The following IQCH variants were observed in gnomAD, a reference collection of about 807,000 sequenced individuals.
IQCH encodes IQ domain-containing protein H.
In IQCH, 98 loss-of-function variants were observed where a neutral mutation model predicts 117.0. That is an observed-to-expected ratio of 0.84 (90% CI 0.71 to 0.99). The LOEUF is 0.99. IQCH is among the 50% of genes least tolerant of loss of function. The probability of loss-of-function intolerance (pLI) is 0.00; values close to 1 mark genes in which losing one functional copy is unlikely to be tolerated. For synonymous variants in IQCH, 412 were observed against 448.2 expected (o/e 0.92, Z 1.02); for missense variants, 1,102 against 1,243.8 (o/e 0.89, Z 1.72).
chr15:67,451,117 CTTCT>C (rs1216148815), intron 16 of IQCH, among the ~76,000 whole-genome samples: 5 of 152,224 alleles, frequency 3.3e-5, no homozygotes, highest in South Asian at 2.1e-4. Flanking sequence ...TCTCTCTCTT[CTTCT>C]TTATTAGTCT....
At position 67,445,959 on chromosome 15, in the gene IQCH, G is replaced by A. The variant is rs1056871400; in HGVS notation, c.2506-19168G>A. ...CCAAGGAGGACAACTGTGTTCCCCT[G>A]CAGCTTTTCCCCAGAATTGGAGGGA... On this transcript the variant is annotated intron_variant, in intron 16 of 20. Transcript: ENST00000335894. This position sits in a 1 kb window ranked among gnomAD's most constrained non-coding sequence, Gnocchi z 4.3. Among the ~76,000 whole-genome samples the A allele has an allele frequency of 6.6e-6, 1 of 152,168 alleles. No homozygotes were observed. Among genetic ancestry groups the A allele is most frequent in the Non-Finnish European group, 1.5e-5 (1 of 68,034 alleles).
At chr15:67,438,643 C>G (rs1199034488) in intron 16 of IQCH, among the ~76,000 whole-genome samples, 1 of 152,206 alleles carries the variant, frequency 6.6e-6, no homozygotes, top group Non-Finnish European at 1.5e-5. Context: ...AACTCACCAA[C>G]CAACTATCTG....
chr15:67,326,090 G>C (rs1279768383), intron 4 of IQCH, among the ~76,000 whole-genome samples: 1 of 152,162 alleles, frequency 6.6e-6, no homozygotes, highest in African/African-American at 2.4e-5. Flanking sequence ...TACATTGGGT[G>C]TATCTCCTAA....
intron 14 of IQCH, among the ~76,000 whole-genome samples, chr15:67,402,192 T>C (rs1236789601): frequency 6.6e-6 from 1 of 152,256 alleles, no homozygotes; most frequent in East Asian, 1.9e-4. Context: ...TGTTATTAAA[T>C]GCAAAGCTCT....
Position 67,430,809 on chromosome 15 carries a change from G to A in IQCH, c.2505+9232G>A, listed in dbSNP as rs566978248. 2.0e-5 allele frequency among the ~76,000 whole-genome samples: 3 copies of A among 152,356 alleles called. No individual in the cohort carries two copies. The highest frequency in any genetic ancestry group is 3.9e-4 in the East Asian group (2 of 5,186). ...CTACAAAGATGCAAAAGACATGGAA[G>A]TGCCTGCCCTTAGGGAGTTCACATT... is the stretch of plus-strand genomic sequence containing the variant. On this transcript the variant is annotated intron_variant, in intron 16 of 20. Transcript: ENST00000335894. This position sits in a 1 kb window ranked among gnomAD's most constrained non-coding sequence, Gnocchi z 5.1.
chr15:67,294,552 C>T (rs766365288), intron 4 of IQCH, among the ~76,000 whole-genome samples: 3 of 152,038 alleles, frequency 2.0e-5, no homozygotes, highest in Non-Finnish European at 4.4e-5. Context: ...TTCCTTTGCC[C>T]CTATTTCCCT....
chr15:67,371,139 T>A (rs1282420479), intron 8 of IQCH, among the ~76,000 whole-genome samples: 1 of 152,104 alleles, frequency 6.6e-6, no homozygotes, highest in East Asian at 1.9e-4. Context: ...AATACCGGGT[T>A]TACTGACGAG....
chr15:67,377,519 C>A (rs929840394), intron 10 of IQCH, among the ~76,000 whole-genome samples: 3 of 152,184 alleles, frequency 2.0e-5, no homozygotes, highest in African/African-American at 7.2e-5. Flanking sequence ...AACCTACAGA[C>A]TAATTTTGCT....
intron 4 of IQCH, among the ~76,000 whole-genome samples, chr15:67,282,542 A>G (rs570381752): frequency 6.6e-6 from 1 of 152,142 alleles, no homozygotes; most frequent in South Asian, 2.1e-4. Flanking sequence ...TTGTTGTTGT[A>G]TATCTAATAT....
chr15:67,428,420 C>A (rs1402444163), intron 16 of IQCH, among the ~76,000 whole-genome samples: 3 of 152,166 alleles, frequency 2.0e-5, no homozygotes, highest in Non-Finnish European at 4.4e-5. Flanking sequence ...GATATCCACA[C>A]CCTAATTCCC....
rs1260863978 is a variant in IQCH at position 67,422,289 on chromosome 15, C to T, written c.2505+712C>T. On this transcript the variant is annotated intron_variant, in intron 16 of 20. Coordinates refer to ENST00000335894, the MANE Select transcript of IQCH (RefSeq NM_001031715.3). This position sits in a 1 kb window ranked among gnomAD's most constrained non-coding sequence, Gnocchi z 4.7. ...TCACTAGAAAGGAGTTAAGAGTTCA[C>T]ATTTCTGTTCCTTTTCTTATCAGAC... 1.3e-5 allele frequency among the ~76,000 whole-genome samples: 2 copies of T among 152,166 alleles called. No individual in the cohort carries two copies. The highest frequency in any genetic ancestry group is 2.9e-5 in the Non-Finnish European group (2 of 68,026).
At position 67,263,253 on chromosome 15, in the gene IQCH, A is replaced by C. The variant is rs78934027; in HGVS notation, c.269+37A>C. On this transcript the variant is annotated intron_variant, in intron 3 of 20. Transcript: ENST00000335894. ...AGCCATTTAGAGCCCAAAGTAAATA[A>C]AATTGAGAAATAACTTTTCTCACTC... The C allele has an allele frequency of 4.9e-4, 509 of 1,029,610 alleles. 3 individuals are homozygous for C. In the East Asian group the frequency reaches 0.012, roughly 24 times the overall value. The allele number at this position is 1,029,610 out of a possible 1,614,324, so 63.8% of individuals were successfully genotyped here. A position where few individuals can be genotyped will look rare whatever the true frequency, so the allele number is the denominator to read the frequency against.
In IQCH at chr15:67,407,160, A is replaced by G. The variant is rs890184935; in HGVS notation, c.2097+6855A>G. 1.3e-5 allele frequency: 2 copies of G among 152,216 alleles called. No individual in the cohort carries two copies. Among genetic ancestry groups the G allele is most frequent in the African/African-American group, 4.8e-5 (2 of 41,462 alleles). The allele number at this position is 152,216 out of a possible 1,614,324, so 9.4% of individuals were successfully genotyped here. A position where few individuals can be genotyped will look rare whatever the true frequency, so the allele number is the denominator to read the frequency against. ...TTACCCAGACAGTGCCTTGGAAAGAATAAGTCTTCATAGCAGCCTGCTTTC... is the reference window on the plus strand; with the variant it reads ...TTACCCAGACAGTGCCTTGGAAAGAGTAAGTCTTCATAGCAGCCTGCTTTC... On this transcript the variant is annotated intron_variant, in intron 14 of 20. Coordinates refer to ENST00000335894, the MANE Select transcript of IQCH (RefSeq NM_001031715.3). This position sits in a 1 kb window ranked among gnomAD's most constrained non-coding sequence, Gnocchi z 5.3.
In IQCH at chr15:67,261,063, T is replaced by G. The variant is rs1055963564; in HGVS notation, c.52-209T>G. The stretch of plus-strand genomic sequence containing the variant: ...GTGAGCCTAGATCACACCATTGCAT[T>G]CCAGTCTGAGCAAGAGTGAAATTCC... On this transcript the variant is annotated intron_variant, in intron 1 of 20. Coordinates refer to ENST00000335894, the MANE Select transcript of IQCH (RefSeq NM_001031715.3). 3.9e-4 allele frequency among the ~76,000 whole-genome samples: 56 copies of G among 142,988 alleles called. 1 individual carries two copies. Among genetic ancestry groups the G allele is most frequent in the Non-Finnish European group, 8.0e-4 (53 of 66,542 alleles). The allele number at this position is 142,988 out of a possible 152,430, so 93.8% of individuals were successfully genotyped here.
Position 67,404,599 on chromosome 15 carries a change from C to A in IQCH, c.2097+4294C>A, listed in dbSNP as rs1971809814. 6.6e-6 allele frequency: 1 copy of A among 152,130 alleles called. No individual in the cohort carries two copies. The highest frequency in any genetic ancestry group is 6.5e-5 in the Admixed American group (1 of 15,270). 9.4% of individuals were successfully genotyped at this position (152,130 alleles called of 1,614,324 possible). A position where few individuals can be genotyped will look rare whatever the true frequency, so the allele number is the denominator to read the frequency against. ...TTTTGTATATTAATTTCTAAATATGCAGTATTTCTTTCTCATAGCTACAAT... is the reference window on the plus strand; with the variant it reads ...TTTTGTATATTAATTTCTAAATATGAAGTATTTCTTTCTCATAGCTACAAT... On this transcript the variant is annotated intron_variant, in intron 14 of 20. Transcript: ENST00000335894. The surrounding 1 kb of genome is among the most constrained non-coding windows in gnomAD (Gnocchi z 4.6).
Position 67,453,685 on chromosome 15 carries a change from A to G in IQCH, c.2506-11442A>G, listed in dbSNP as rs916613703. Among the ~76,000 whole-genome samples, 2 of 152,162 alleles carry G rather than the reference A, an allele frequency of 1.3e-5. No homozygotes were observed. The highest frequency in any genetic ancestry group is 4.8e-5 in the African/African-American group (2 of 41,432). ...TACTCAGGGGTCAGGGACCCACTTGAGGAGGCAGTCTGCCCGTTCTCAGAT... is the reference window on the plus strand; with the variant it reads ...TACTCAGGGGTCAGGGACCCACTTGGGGAGGCAGTCTGCCCGTTCTCAGAT... On this transcript the variant is annotated intron_variant, in intron 16 of 20. Transcript: ENST00000335894. The surrounding 1 kb of genome is among the most constrained non-coding windows in gnomAD (Gnocchi z 5.8).
At chr15:67,257,543 T>C (rs1051173471) in intron 1 of IQCH, among the ~76,000 whole-genome samples, 3 of 152,246 alleles carry the variant, frequency 2.0e-5, no homozygotes, top group African/African-American at 7.2e-5. Flanking sequence ...TTGCCCATTG[T>C]AATACATCCA....
chr15:67,489,059 A>G (rs1227763516), intron 18 of IQCH, among the ~76,000 whole-genome samples: 2 of 150,526 alleles, frequency 1.3e-5, no homozygotes, highest in East Asian at 1.9e-4. Flanking sequence ...TTTTAGACGG[A>G]GTCTCGCTCT....
chr15:67,434,992 T>G (rs1167093933), intron 16 of IQCH, among the ~76,000 whole-genome samples: 3 of 144,186 alleles, frequency 2.1e-5, no homozygotes, highest in African/African-American at 7.6e-5. Context: ...TCTTTGTTTT[T>G]TTTTTAATTT....
Sources: gnomAD v4.1 joint callset for allele counts (sites outside exome capture counted in the v4.1 genomes callset) on GRCh38, gnomAD v4.1.1 for gene constraint, Gnocchi (gnomAD v3.1) non-coding constraint, MANE v1.5 for transcripts, NCBI Gene and HGNC (gene_info 2026-07-23, HGNC 2026-07-21) for gene names.